The following CNTNAP2 variants were observed in gnomAD, a reference collection of about 807,000 sequenced individuals.
CNTNAP2 encodes contactin associated protein 2.
In CNTNAP2, 98 loss-of-function variants were observed where a neutral mutation model predicts 155.2. That is an observed-to-expected ratio of 0.63 (90% CI 0.54 to 0.75). The LOEUF is 0.75. Ranked by LOEUF, CNTNAP2 falls within the 30% of genes least tolerant of loss-of-function variation. CNTNAP2 has a pLI of 0.00. For synonymous variants in CNTNAP2, 651 were observed against 631.2 expected, an observed-to-expected ratio of 1.03 and a Z score of -0.47; for missense variants, 1,727 against 1,688.1, an observed-to-expected ratio of 1.02 and a Z score of -0.40.
chr7:146,716,571 A>C (rs1350850225), intron 1 of CNTNAP2, among the ~76,000 whole-genome samples: 4 of 152,154 alleles, frequency 2.6e-5, no homozygotes, highest in Non-Finnish European at 4.4e-5. Flanking sequence ...CTTTGTACCC[A>C]TCTATGTTTG....
At chr7:147,424,515 CT>C (rs2116515026) in intron 10 of CNTNAP2, among the ~76,000 whole-genome samples, 1 of 152,162 alleles carries the variant, frequency 6.6e-6, no homozygotes, top group East Asian at 1.9e-4. Flanking sequence ...TAGATGTCTC[CT>C]CGATTTTCTC....
intron 13 of CNTNAP2, among the ~76,000 whole-genome samples, chr7:147,747,591 C>T (rs1478961024): frequency 6.6e-6 from 1 of 152,126 alleles, no homozygotes; most frequent in South Asian, 2.1e-4. Context: ...ATACTGATTT[C>T]TTTTCTTTTG....
rs1472754917 is a variant in CNTNAP2, at chr7:147,390,867, C to T, written c.1499-4742C>T. ...TATGGCCATCTTGGAGATTGATTGCCGGTGTTCACCCTACAGCCCACAGAG... is the reference window on the plus strand; with the variant it reads ...TATGGCCATCTTGGAGATTGATTGCTGGTGTTCACCCTACAGCCCACAGAG... On this transcript the variant is annotated intron_variant, in intron 9 of 23. Transcript: ENST00000361727. Among the ~76,000 whole-genome samples, 5 of 152,002 alleles carry T rather than the reference C, an allele frequency of 3.3e-5. No homozygotes were observed. The South Asian group carries it at 6.2e-4, about 19-fold the overall frequency.
At chr7:146,661,633 C>T (rs1800090152) in intron 1 of CNTNAP2, among the ~76,000 whole-genome samples, 1 of 152,008 alleles carries the variant, frequency 6.6e-6, no homozygotes, top group Non-Finnish European at 1.5e-5. Flanking sequence ...AGAATTTTTC[C>T]ATTGTATCAT....
chr7:147,291,936 A>G, intron 8 of CNTNAP2, among the ~76,000 whole-genome samples: 1 of 152,146 alleles, frequency 6.6e-6, no homozygotes, highest in South Asian at 2.1e-4. Context: ...ACTTCTGCCC[A>G]TTTTTTCCAG....
chr7:148,224,280 T>C (rs1795804213), intron 19 of CNTNAP2, among the ~76,000 whole-genome samples: 1 of 151,082 alleles, frequency 6.6e-6, no homozygotes, highest in Non-Finnish European at 1.5e-5. Flanking sequence ...CCTGATCATC[T>C]CCGTCATTCC....
chr7:147,642,958 G>A (rs947393220), intron 13 of CNTNAP2, among the ~76,000 whole-genome samples: 3 of 152,120 alleles, frequency 2.0e-5, no homozygotes, highest in Non-Finnish European at 4.4e-5. Context: ...CCAACCTTGG[G>A]GCAGTGGTTT....
intron 13 of CNTNAP2, among the ~76,000 whole-genome samples, chr7:147,771,341 C>A (rs191108744): frequency 7.9e-4 from 121 of 152,256 alleles, no homozygotes; most frequent in Non-Finnish European, 6.6e-4. Flanking sequence ...AACTGAAGAA[C>A]TGTGCATGAA....
At chr7:147,723,779 A>G (rs1796602457) in intron 13 of CNTNAP2, among the ~76,000 whole-genome samples, 1 of 152,050 alleles carries the variant, frequency 6.6e-6, no homozygotes, top group Admixed American at 6.6e-5. Context: ...ATACATATTT[A>G]TGGGGTACAA....
intron 19 of CNTNAP2, among the ~76,000 whole-genome samples, chr7:148,217,748 C>T (rs945869759): frequency 2.6e-5 from 4 of 152,226 alleles, no homozygotes; most frequent in Non-Finnish European, 5.9e-5. Flanking sequence ...GTTGGTGAGG[C>T]ATGTTGCGTT....
intron 1 of CNTNAP2, among the ~76,000 whole-genome samples, chr7:146,352,750 GTTTTT>G (rs531124445): frequency 3.3e-4 from 21 of 64,312 alleles, no homozygotes; most frequent in Non-Finnish European, 5.7e-4. Flanking sequence ...GCATAATTCT[GTTTTT>G]TTTTTTTTTT....
Position 146,684,598 on chromosome 7 carries a change from G to C in CNTNAP2, c.98-89673G>C, listed in dbSNP as rs114855453. The stretch of plus-strand genomic sequence containing the variant: ...ATGACAAGATCACCATGACAGAATA[G>C]AATGTTCCCAAAACAGCTTCGAGCA... On this transcript the variant is annotated intron_variant, in intron 1 of 23. Coordinates refer to ENST00000361727, the MANE Select transcript of CNTNAP2 (RefSeq NM_014141.6). 9.9e-3 allele frequency among the ~76,000 whole-genome samples: 1,033 copies of C among 104,604 alleles called. 14 individuals are homozygous for C. The highest frequency in any genetic ancestry group is 0.04 in the Middle Eastern group (4 of 100). The allele number at this position is 104,604 out of a possible 152,430, so 68.6% of individuals were successfully genotyped here. A position where few individuals can be genotyped will look rare whatever the true frequency, so the allele number is the denominator to read the frequency against.
chr7:147,270,028 C>T (rs1019473597), intron 8 of CNTNAP2, among the ~76,000 whole-genome samples: 4 of 152,072 alleles, frequency 2.6e-5, no homozygotes, highest in African/African-American at 7.2e-5. Context: ...TGCCACTGCA[C>T]TCCAGCCTGG....
chr7:147,273,975 A>G (rs1289298662), intron 8 of CNTNAP2, among the ~76,000 whole-genome samples: 1 of 147,938 alleles, frequency 6.8e-6, no homozygotes, highest in Non-Finnish European at 1.5e-5. Context: ...CATATATTAC[A>G]TGTATGTTAT....
At chr7:148,069,759 CA>C (rs57389619) in intron 15 of CNTNAP2, among the ~76,000 whole-genome samples, 3,655 of 68,934 alleles carry the variant, frequency 0.053, 149 homozygotes, top group African/African-American at 0.14. Context: ...GACTCCGTCT[CA>C]AAAAAAAAAA....
At chr7:147,055,730 G>A (rs1247199358) in intron 4 of CNTNAP2, among the ~76,000 whole-genome samples, 1 of 152,174 alleles carries the variant, frequency 6.6e-6, no homozygotes, top group Non-Finnish European at 1.5e-5. Flanking sequence ...GGTTCCCACC[G>A]GAGGATGTGA....
intron 1 of CNTNAP2, among the ~76,000 whole-genome samples, chr7:146,359,116 G>A (rs151224700): frequency 6.6e-6 from 1 of 152,350 alleles, no homozygotes; most frequent in East Asian, 1.9e-4. Flanking sequence ...AAATCAGAGG[G>A]TTGACCCTAT....
intron 8 of CNTNAP2, among the ~76,000 whole-genome samples, chr7:147,245,163 G>C (rs1390721): frequency 0.34 from 51,218 of 151,750 alleles, 9,545 homozygotes; most frequent in Non-Finnish European, 0.42. Flanking sequence ...GTTCTTTTTT[G>C]CCCTTGCTGG....
chr7:148,291,124 T>G (rs1477369234), intron 21 of CNTNAP2, among the ~76,000 whole-genome samples: 1 of 151,948 alleles, frequency 6.6e-6, no homozygotes, highest in Non-Finnish European at 1.5e-5. Context: ...GACTTTCCAG[T>G]TTTTAGAGAT....
Sources: gnomAD v4.1 joint callset for allele counts (sites outside exome capture counted in the v4.1 genomes callset) on GRCh38, gnomAD v4.1.1 for gene constraint, MANE v1.5 for transcripts, NCBI Gene and HGNC (gene_info 2026-07-23, HGNC 2026-07-21) for gene names.